Variants in PDPR observed in about 807,000 individuals in gnomAD.
PDPR encodes the protein pyruvate dehydrogenase phosphatase regulatory subunit.
In PDPR, 50 loss-of-function variants were observed where a neutral mutation model predicts 102.2. That is an observed-to-expected ratio of 0.49 (90% CI 0.39 to 0.62). The LOEUF is 0.62. PDPR is among the 20% of genes least tolerant of loss of function. PDPR has a pLI of 0.00. For missense variants in PDPR, 625 were observed against 1,098.2 expected (o/e 0.57, Z 6.09); for synonymous variants, 259 against 406.0 (o/e 0.64, Z 4.35).
At chr16:70,138,249 G>A (rs62050971) in intron 10 of PDPR, among the ~76,000 whole-genome samples, 20,635 of 108,240 alleles carry the variant, frequency 0.19, 421 homozygotes, top group Middle Eastern at 0.26. Context: ...TTGGGGTTTC[G>A]CTCTTGTTGC....
intron 3 of PDPR, among the ~76,000 whole-genome samples, chr16:70,123,835 C>T (rs564553162): frequency 2.6e-4 from 39 of 152,336 alleles, no homozygotes; most frequent in South Asian, 8.3e-4. Flanking sequence ...AGTGGATCAC[C>T]GGAGATCAGG....
At chr16:70,133,712 C>T (rs1351291525) in intron 9 of PDPR, among the ~76,000 whole-genome samples, 5 of 151,868 alleles carry the variant, frequency 3.3e-5, no homozygotes, top group African/African-American at 1.2e-4. Flanking sequence ...GCCACTGTGC[C>T]CAGCTCTGCT....
At chr16:70,154,338 A>C (rs1228261042) in intron 18 of PDPR, among the ~76,000 whole-genome samples, 2 of 152,214 alleles carry the variant, frequency 1.3e-5, no homozygotes, top group Non-Finnish European at 2.9e-5. Context: ...AGAAAAAAGA[A>C]AACATAGTAA....
intron 18 of PDPR, 111 bp from the exon 19 acceptor site, chr16:70,156,364 A>C: frequency 7.7e-7 from 1 of 1,305,270 alleles, no homozygotes; most frequent in Non-Finnish European, 1.1e-6. Flanking sequence ...TTGTGGGAGG[A>C]GGCGGCTGTG....
intron 18 of PDPR, among the ~76,000 whole-genome samples, chr16:70,156,002 G>A (rs1967132211): frequency 6.6e-6 from 1 of 152,198 alleles, no homozygotes; most frequent in Non-Finnish European, 1.5e-5. Context: ...TGATTTTCCT[G>A]TCTCAGCCTC....
At chr16:70,150,091 CTTT>C (rs59657802) in intron 17 of PDPR, among the ~76,000 whole-genome samples, 1,356 of 136,152 alleles carry the variant, frequency 1.0e-2, no homozygotes, top group East Asian at 0.032. Flanking sequence ...ACCCGGCCGG[CTTT>C]TTTTTTTTTT....
intron 17 of PDPR, among the ~76,000 whole-genome samples, chr16:70,150,531 AT>A (rs71151175): frequency 3.4e-4 from 47 of 138,244 alleles, no homozygotes; most frequent in Admixed American, 4.4e-4. Context: ...TTTTCTCTTA[AT>A]TTTTTTTTTT....
Position 70,130,364 on chromosome 16 carries a change from A to C in PDPR, c.608-59A>C. On this transcript the variant is annotated intron_variant, in intron 6 of 18. Coordinates refer to ENST00000288050, the MANE Select transcript of PDPR (RefSeq NM_017990.5). The stretch of plus-strand genomic sequence containing the variant: ...TTCTTCTGGGTGGAGAACCTGCTGC[A>C]CATGCCTTCATTCTGGAACATCAGA... 6 of 1,590,596 alleles carry C rather than the reference A, an allele frequency of 3.8e-6. No individual in the cohort carries two copies. The South Asian group carries it at 6.7e-5, about 18-fold the overall frequency.
chr16:70,143,052 A>G (rs549657120), intron 13 of PDPR, among the ~76,000 whole-genome samples: 4 of 152,370 alleles, frequency 2.6e-5, no homozygotes, highest in African/African-American at 9.6e-5. Context: ...AAAATTAACC[A>G]GGCATGGTGG....
chr16:70,141,526 C>A (rs1461843714), intron 11 of PDPR, among the ~76,000 whole-genome samples: 25 of 152,262 alleles, frequency 1.6e-4, no homozygotes, highest in African/African-American at 5.5e-4. Context: ...GATCCTAACA[C>A]AGGCACAATG....
intron 3 of PDPR, among the ~76,000 whole-genome samples, chr16:70,122,159 G>A (rs1254019510): frequency 1.3e-5 from 2 of 152,198 alleles, no homozygotes; most frequent in African/African-American, 4.8e-5. Context: ...GCTAATTTCT[G>A]TTTTTTTAGT....
At position 70,162,446 on chromosome 16, in the gene PDPR, G is replaced by A. The variant is rs1232986211; in HGVS notation, c.*5567G>A. On this transcript the variant is annotated 3_prime_UTR_variant, in exon 19 of 19. Transcript: ENST00000288050. ...CCCCTGTGAATGTGGCACTAACACT[G>A]TGCACTGTCTCCACCAAGCAAGGTT... 4 of 152,462 alleles carry A rather than the reference G, an allele frequency of 2.6e-5. No individual in the cohort carries two copies. Among genetic ancestry groups the A allele is most frequent in the East Asian group, 1.9e-4 (1 of 5,206 alleles). The allele number at this position is 152,462 out of a possible 1,614,324, so 9.4% of individuals were successfully genotyped here. A position where few individuals can be genotyped will look rare whatever the true frequency, so the allele number is the denominator to read the frequency against.
chr16:70,148,085 C>T (rs1337318872), intron 16 of PDPR, among the ~76,000 whole-genome samples: 1 of 152,242 alleles, frequency 6.6e-6, no homozygotes, highest in Non-Finnish European at 1.5e-5. Flanking sequence ...TGGCAGGCGG[C>T]CAGGGTTTGT....
In PDPR at chr16:70,161,404, T is replaced by C. The variant is rs1220268262; in HGVS notation, c.*4525T>C. 2.0e-5 allele frequency: 3 copies of C among 153,614 alleles called. No homozygotes were observed. Among genetic ancestry groups the C allele is most frequent in the African/African-American group, 7.2e-5 (3 of 41,486 alleles). The allele number at this position is 153,614 out of a possible 1,614,324, so 9.5% of individuals were successfully genotyped here. A position where few individuals can be genotyped will look rare whatever the true frequency, so the allele number is the denominator to read the frequency against. ...ATCCCCCACACACCCCTCACGAACA[T>C]TGATATAAGCAGTATTAACACAGTA... On this transcript the variant is annotated 3_prime_UTR_variant, in exon 19 of 19. Coordinates refer to ENST00000288050, the MANE Select transcript of PDPR (RefSeq NM_017990.5).
At chr16:70,128,731 T>C in intron 4 of PDPR, 53 bp from the exon 5 acceptor site, 2 of 1,613,474 alleles carry the variant, frequency 1.2e-6, no homozygotes, top group Non-Finnish European at 1.7e-6. Context: ...TTTTCCACTC[T>C]CCTGTCCTAC....
intron 18 of PDPR, 75 bp downstream of exon 18, chr16:70,153,648 C>T: frequency 7.1e-7 from 1 of 1,403,758 alleles, no homozygotes; most frequent in Admixed American, 2.6e-5. Flanking sequence ...GGAAGAAGAA[C>T]TGATGTGACA....
rs200807076 is a variant in PDPR, at chr16:70,156,694, A to C, written c.2455A>C (p.Asn819His). 3.0e-4 allele frequency: 487 copies of C among 1,613,874 alleles called. No homozygotes were observed. The African/African-American group carries it at 6.0e-3, about 20-fold the overall frequency. ...CCACGTTTGCCTGGGCTTTGTGCACAATTTTTCTGAGGACACGGGGGAAGA... is the reference window on the plus strand; with the variant it reads ...CCACGTTTGCCTGGGCTTTGTGCACCATTTTTCTGAGGACACGGGGGAAGA... Reference protein sequence around the residue: ...ERHVCLGFVHNFSEDTGEEQV... With the variant: ...ERHVCLGFVHHFSEDTGEEQV... Residue 819 changes from asparagine to histidine, a missense_variant, in exon 19 of 19, where the codon AAT becomes CAT. Physicochemically the swap from Asn to His is moderately conservative, Grantham distance 68 (BLOSUM62 1). Around this residue, in one of 11 missense-constraint regions of PDPR, gnomAD observed 303 missense variants for 258.9 expected, o/e 1.17. Coordinates refer to ENST00000288050, the MANE Select transcript of PDPR (RefSeq NM_017990.5).
At chr16:70,119,049 G>A (rs1030121178) in intron 2 of PDPR, among the ~76,000 whole-genome samples, 1 of 152,050 alleles carries the variant, frequency 6.6e-6, no homozygotes, top group African/African-American at 2.4e-5. Context: ...ACCGCCTCTC[G>A]TCTCAAAGTC....
Position 70,158,617 on chromosome 16 carries a change from T to C in PDPR, c.*1738T>C, listed in dbSNP as rs1967475522. The C allele has an allele frequency of 1.3e-5, 2 of 152,712 alleles. No homozygotes were observed. The highest frequency in any genetic ancestry group is 4.1e-4 in the South Asian group (2 of 4,838). The allele number at this position is 152,712 out of a possible 1,614,324, so 9.5% of individuals were successfully genotyped here. A position where few individuals can be genotyped will look rare whatever the true frequency, so the allele number is the denominator to read the frequency against. Reference sequence around the variant, plus strand: ...AGAGGAGCATATGATTAGAATTCTGTTTGGGGGTCTAGTTGTCTTGGAGCA... The same window carrying C: ...AGAGGAGCATATGATTAGAATTCTGCTTGGGGGTCTAGTTGTCTTGGAGCA... On this transcript the variant is annotated 3_prime_UTR_variant, in exon 19 of 19. Coordinates refer to ENST00000288050, the MANE Select transcript of PDPR (RefSeq NM_017990.5).
Sources: gnomAD v4.1 joint callset for allele counts (sites outside exome capture counted in the v4.1 genomes callset) on GRCh38, gnomAD v4.1.1 for gene constraint, gnomAD v4.1.1 regional missense constraint, MANE v1.5 for transcripts, NCBI Gene and HGNC (gene_info 2026-07-23, HGNC 2026-07-21) for gene names.